Variants in ATG5 observed in about 807,000 individuals in gnomAD.
ATG5 encodes the protein autophagy protein 5.
Under a neutral mutation model 36.5 loss-of-function variants are expected in ATG5, and 14 were observed. The ratio of observed to expected loss-of-function variants is 0.38; its 90% CI spans 0.25 to 0.60. ATG5 has a LOEUF of 0.60. Among genes scored for constraint, ATG5 ranks in the 20% least tolerant of loss-of-function variants. ATG5 has a pLI of 0.60. For synonymous variants in ATG5, 95 were observed against 101.5 expected (o/e 0.94, Z 0.38); for missense variants, 195 against 326.7 (o/e 0.60, Z 3.11).
chr6:106,322,643 C>A (rs1003870542), intron 1 of ATG5, among the ~76,000 whole-genome samples: 10 of 152,192 alleles, frequency 6.6e-5, no homozygotes, highest in African/African-American at 2.4e-4. Context: ...ACTCAACAGT[C>A]CCACCCTGGG....
chr6:106,222,968 T>A (rs1372934793), intron 6 of ATG5, among the ~76,000 whole-genome samples: 1 of 152,240 alleles, frequency 6.6e-6, no homozygotes, highest in East Asian at 1.9e-4. Context: ...CAATATTTTT[T>A]AATCTTAAAA....
intron 7 of ATG5, among the ~76,000 whole-genome samples, chr6:106,187,137 GT>G (rs1331380220): frequency 2.0e-5 from 3 of 152,190 alleles, no homozygotes; most frequent in Admixed American, 2.0e-4. Context: ...TATTTGAGAT[GT>G]TTAGTAAGAC....
intron 5 of ATG5, among the ~76,000 whole-genome samples, chr6:106,268,979 T>C (rs1393051786): frequency 6.6e-6 from 1 of 152,204 alleles, no homozygotes; most frequent in Non-Finnish European, 1.5e-5. Context: ...CAAACCACCA[T>C]GGCACATGCA....
intron 3 of ATG5, among the ~76,000 whole-genome samples, chr6:106,294,193 T>C (rs1469888349): frequency 6.6e-6 from 1 of 152,170 alleles, no homozygotes; most frequent in Admixed American, 6.5e-5. Context: ...TACTTGGTGT[T>C]ATACACAGTC....
chr6:106,210,245 G>A (rs1776804548), intron 6 of ATG5, among the ~76,000 whole-genome samples: 1 of 152,128 alleles, frequency 6.6e-6, no homozygotes, highest in African/African-American at 2.4e-5. Context: ...CATCCTGGCT[G>A]AAAAACCCAG....
chr6:106,189,435 C>CA lies in ATG5; in HGVS notation c.692-2760dup, dbSNP rs200823237. ...GCCTGGGCAACAGACCCCATCTCTA[C>CA]AAAAAATAAAAAAACTCAACCAAAC... On this transcript the variant is annotated intron_variant, in intron 7 of 7. Transcript: ENST00000369076. 9.2e-3 allele frequency among the ~76,000 whole-genome samples: 1,388 copies of CA among 151,688 alleles called. 21 individuals are homozygous for CA. Among genetic ancestry groups the CA allele is most frequent in the African/African-American group, 0.032 (1,332 of 41,370 alleles).
chr6:106,239,056 C>T (rs1778005766), intron 6 of ATG5, among the ~76,000 whole-genome samples: 1 of 152,122 alleles, frequency 6.6e-6, no homozygotes, highest in Non-Finnish European at 1.5e-5. Context: ...AACACTTAAA[C>T]TGTATCAATT....
chr6:106,229,638 C>T (rs746580568), intron 6 of ATG5, among the ~76,000 whole-genome samples: 5 of 152,124 alleles, frequency 3.3e-5, no homozygotes, highest in Non-Finnish European at 2.9e-5. Flanking sequence ...AGGTCTTCTC[C>T]GCGACCCTAT....
chr6:106,194,648 C>T (rs1191942457), intron 7 of ATG5, among the ~76,000 whole-genome samples: 1 of 152,076 alleles, frequency 6.6e-6, no homozygotes, highest in Admixed American at 6.5e-5. Context: ...ACCAATTCTC[C>T]TGCCTCAGCC....
chr6:106,306,538 G>T (rs1770452889), intron 3 of ATG5, among the ~76,000 whole-genome samples: 1 of 152,086 alleles, frequency 6.6e-6, no homozygotes, highest in African/African-American at 2.4e-5. Context: ...TAATGTACAG[G>T]GTAGCCCACC....
intron 5 of ATG5, among the ~76,000 whole-genome samples, chr6:106,254,087 C>A (rs1426850222): frequency 6.6e-6 from 1 of 152,132 alleles, no homozygotes. Flanking sequence ...TTTTTCTTTT[C>A]GGTCCCTAGT....
intron 3 of ATG5, among the ~76,000 whole-genome samples, chr6:106,306,093 GAATAT>G (rs751496490): frequency 6.6e-6 from 1 of 152,158 alleles, no homozygotes; most frequent in Non-Finnish European, 1.5e-5. Flanking sequence ...AAAGATACTT[GAATAT>G]AATTACTTTC....
intron 2 of ATG5, among the ~76,000 whole-genome samples, chr6:106,311,401 T>C (rs1360369236): frequency 2.0e-5 from 3 of 152,234 alleles, no homozygotes; most frequent in African/African-American, 7.2e-5. Flanking sequence ...GAAGTGTATC[T>C]TAAGGCAAAG....
intron 6 of ATG5, among the ~76,000 whole-genome samples, chr6:106,223,008 T>C (rs1365747148): frequency 6.6e-6 from 1 of 152,250 alleles, no homozygotes; most frequent in Non-Finnish European, 1.5e-5. Context: ...CCTAGCTTAG[T>C]AAATAAATTC....
intron 7 of ATG5, among the ~76,000 whole-genome samples, chr6:106,197,427 T>G (rs1053869556): frequency 1.3e-5 from 2 of 151,564 alleles, no homozygotes; most frequent in Admixed American, 6.6e-5. Flanking sequence ...ATTGATAAAA[T>G]CATTTGTTAT....
intron 7 of ATG5, among the ~76,000 whole-genome samples, chr6:106,198,763 G>A (rs1042157605): frequency 2.0e-4 from 27 of 136,926 alleles, no homozygotes; most frequent in African/African-American, 7.4e-4. Context: ...GTGACAGAGC[G>A]AGACCCTGTC....
intron 6 of ATG5, among the ~76,000 whole-genome samples, chr6:106,247,512 G>A (rs1308372901): frequency 6.6e-6 from 1 of 152,156 alleles, no homozygotes; most frequent in Non-Finnish European, 1.5e-5. Flanking sequence ...GTGATTTGCA[G>A]TAGTTCTGTT....
intron 4 of ATG5, among the ~76,000 whole-genome samples, chr6:106,284,851 T>C (rs903805703): frequency 6.6e-6 from 1 of 152,092 alleles, no homozygotes; most frequent in Non-Finnish European, 1.5e-5. Flanking sequence ...TTTAATTGGG[T>C]TTCTTTTTAT....
Position 106,191,698 on chromosome 6 carries a change from C to T in ATG5, c.692-5022G>A, listed in dbSNP as rs182040012. 3.9e-5 allele frequency among the ~76,000 whole-genome samples: 6 copies of T among 152,208 alleles called. No individual in the cohort carries two copies. In the East Asian group the frequency reaches 1.2e-3, roughly 29 times the overall value. ...CAATAACACGAGTGACTCTTCTCCACCCCTCTCTCCTGCTCACTCTCTAAT... is the reference window on the plus strand; with the variant it reads ...CAATAACACGAGTGACTCTTCTCCATCCCTCTCTCCTGCTCACTCTCTAAT... On this transcript the variant is annotated intron_variant, in intron 7 of 7. Transcript: ENST00000369076.
Sources: gnomAD v4.1 joint callset for allele counts (sites outside exome capture counted in the v4.1 genomes callset) on GRCh38, gnomAD v4.1.1 for gene constraint, MANE v1.5 for transcripts, NCBI Gene and HGNC (gene_info 2026-07-23, HGNC 2026-07-21) for gene names.